DSG2: variants seen among roughly 807,000 people sequenced by gnomAD.
DSG2 encodes desmoglein 2.
In DSG2, 45 loss-of-function variants were observed where a neutral mutation model predicts 75.6. That is an observed-to-expected ratio of 0.60 (90% CI 0.47 to 0.76). The LOEUF is 0.76. Ranked by LOEUF, DSG2 falls within the 30% of genes least tolerant of loss-of-function variation. DSG2 has a pLI of 0.00. For synonymous variants in DSG2, 429 were observed against 483.9 expected (o/e 0.89, Z 1.49); for missense variants, 1,267 against 1,357.4 (o/e 0.93, Z 1.05).
chr18:31,505,559 T>G (rs2073034677), intron 1 of DSG2, among the ~76,000 whole-genome samples: 1 of 152,204 alleles, frequency 6.6e-6, no homozygotes, highest in Non-Finnish European at 1.5e-5. Context: ...AGTTAAAGTA[T>G]CTTTCTGTGT....
At chr18:31,525,979 A>T (rs1431683569) in intron 8 of DSG2, among the ~76,000 whole-genome samples, 1 of 152,084 alleles carries the variant, frequency 6.6e-6, no homozygotes, top group Non-Finnish European at 1.5e-5. Flanking sequence ...CATCTCTACT[A>T]CTAAAAATAC....
chr18:31,536,557 G>A (rs1387582092), intron 11 of DSG2, 128 bp downstream of exon 11: 2 of 972,906 alleles, frequency 2.1e-6, no homozygotes, highest in East Asian at 2.6e-5. Context: ...TATGAAATGA[G>A]GTCCTGAACC....
intron 1 of DSG2, among the ~76,000 whole-genome samples, chr18:31,515,626 T>C (rs1279606486): frequency 6.6e-6 from 1 of 152,230 alleles, no homozygotes; most frequent in African/African-American, 2.4e-5. Flanking sequence ...TGGCCATTGC[T>C]AGCTGGGCAA....
At chr18:31,524,943 C>CT in intron 8 of DSG2, 55 bp downstream of exon 8, 1 of 1,538,426 alleles carries the variant, frequency 6.5e-7, no homozygotes, top group Non-Finnish European at 9.0e-7. Context: ...GGAAAGGAAT[C>CT]TAATATATTT....
At chr18:31,544,715 T>G (rs1419532318) in intron 14 of DSG2, among the ~76,000 whole-genome samples, 2 of 152,266 alleles carry the variant, frequency 1.3e-5, no homozygotes, top group East Asian at 3.9e-4. Flanking sequence ...ACTATGGATG[T>G]TAGAAATAAA....
In DSG2 at chr18:31,502,350, A is replaced by AGACCAGTAATTTT. The variant is rs546595323; in HGVS notation, c.45+4054_45+4055insGACCAGTAATTTT. On this transcript the variant is annotated intron_variant, in intron 1 of 14. Coordinates refer to ENST00000261590, the MANE Select transcript of DSG2 (RefSeq NM_001943.5). ...GTAAGCGTGAGAATTACTGGTCTAT[A>AGACCAGTAATTTT]TTTTGCAAAAAAATCTATATTTATG... is the stretch of plus-strand genomic sequence containing the variant. Among the ~76,000 whole-genome samples, 235 of 152,346 alleles carry AGACCAGTAATTTT rather than the reference A, an allele frequency of 1.5e-3. 1 individual carries two copies. Among genetic ancestry groups the AGACCAGTAATTTT allele is most frequent in the Non-Finnish European group, 2.9e-3 (199 of 68,036 alleles).
intron 14 of DSG2, 149 bp from the exon 15 acceptor site, chr18:31,545,572 T>G: frequency 1.1e-6 from 1 of 942,480 alleles, no homozygotes; most frequent in Non-Finnish European, 1.6e-6. Context: ...TCGTAGGATC[T>G]CTCTCAATTT....
At chr18:31,534,292 A>G (rs1014758987) in intron 9 of DSG2, among the ~76,000 whole-genome samples, 7 of 151,926 alleles carry the variant, frequency 4.6e-5, no homozygotes, top group African/African-American at 1.7e-4. Flanking sequence ...TTGGCCAGTT[A>G]CATACGTTTC....
rs191564916 is a variant in DSG2, at chr18:31,524,877, A to G, written c.1003A>G (p.Thr335Ala). The G allele has an allele frequency of 6.9e-4, 1,121 of 1,614,166 alleles. No individual in the cohort carries two copies. The highest frequency in any genetic ancestry group is 8.2e-4 in the Non-Finnish European group (962 of 1,179,990). Residue 335 changes from threonine (T) to alanine (A), a missense_variant, in exon 8 of 15, where the codon ACC becomes GCC. Thr to Ala is a moderately conservative substitution (Grantham distance 58). Coordinates refer to ENST00000261590, the MANE Select transcript of DSG2 (RefSeq NM_001943.5). The stretch of plus-strand genomic sequence containing the variant: ...TGCTCAAACTAACGAAGGAATTGTG[A>G]CCCTTATTAAGGTAAGTACTAAGTA... ...TDAQTNEGIV[T>A]LIKEVDYEEM...
intron 1 of DSG2, among the ~76,000 whole-genome samples, chr18:31,503,018 T>G (rs1194661738): frequency 6.6e-6 from 1 of 152,202 alleles, no homozygotes; most frequent in Non-Finnish European, 1.5e-5. Flanking sequence ...GCTTGGTGAT[T>G]AGAGTGAAGA....
intron 14 of DSG2, 21 bp downstream of exon 14, chr18:31,542,873 TTGG>T: frequency 8.5e-7 from 1 of 1,173,370 alleles, no homozygotes; most frequent in Non-Finnish European, 1.2e-6. Context: ...GTTTTATGTA[TTGG>T]TGGTGGGGGG....
At chr18:31,527,921 A>T (rs529943825) in intron 8 of DSG2, among the ~76,000 whole-genome samples, 4 of 152,334 alleles carry the variant, frequency 2.6e-5, no homozygotes, top group Non-Finnish European at 4.4e-5. Context: ...AACAAGCTCC[A>T]CTAGGCGTCT....
At chr18:31,511,133 G>A (rs529609368) in intron 1 of DSG2, among the ~76,000 whole-genome samples, 1 of 152,308 alleles carries the variant, frequency 6.6e-6, no homozygotes, top group African/African-American at 2.4e-5. Flanking sequence ...TTGTATTACT[G>A]TCCTGACCCT....
intron 8 of DSG2, among the ~76,000 whole-genome samples, chr18:31,526,266 A>G (rs1003494786): frequency 2.6e-5 from 4 of 152,248 alleles, no homozygotes; most frequent in East Asian, 3.9e-4. Context: ...TAAATTACAC[A>G]TAGGCAAAAA....
chr18:31,520,694 A>G, intron 3 of DSG2, 109 bp from the exon 4 acceptor site: 7 of 1,192,292 alleles, frequency 5.9e-6, no homozygotes, highest in Non-Finnish European at 7.2e-6. Flanking sequence ...GTCCATAAAA[A>G]TATTTACCTG....
At chr18:31,529,293 G>C (rs928533505) in intron 8 of DSG2, among the ~76,000 whole-genome samples, 1 of 152,128 alleles carries the variant, frequency 6.6e-6, no homozygotes, top group African/African-American at 2.4e-5. Context: ...CTAACACTAT[G>C]AAACACTTAT....
At chr18:31,533,669 A>G (rs1037411933) in intron 9 of DSG2, among the ~76,000 whole-genome samples, 11 of 152,252 alleles carry the variant, frequency 7.2e-5, no homozygotes, top group Admixed American at 6.5e-5. Flanking sequence ...GGTAAACCAT[A>G]GACAGCAACT....
chr18:31,529,603 AACTG>A (rs1281696080), intron 8 of DSG2, among the ~76,000 whole-genome samples: 1 of 152,202 alleles, frequency 6.6e-6, no homozygotes, highest in African/African-American at 2.4e-5. Context: ...TAGAGAGGAA[AACTG>A]ACTGACTTAT....
At chr18:31,512,963 A>C (rs1238177905) in intron 1 of DSG2, among the ~76,000 whole-genome samples, 1 of 152,228 alleles carries the variant, frequency 6.6e-6, no homozygotes, top group Non-Finnish European at 1.5e-5. Context: ...AAATTTTAAG[A>C]TAAGGACCAT....
Sources: allele counts gnomAD v4.1 joint callset (sites outside exome capture counted in the v4.1 genomes callset), GRCh38; gene constraint gnomAD v4.1.1; transcripts MANE v1.5; gene names NCBI Gene and HGNC (gene_info 2026-07-23, HGNC 2026-07-21).